Variants in CDIN1 observed in about 807,000 individuals in gnomAD.
CDIN1 encodes CDAN1 interacting nuclease 1.
CDIN1 carries 33 observed loss-of-function variants against 45.3 expected under a neutral mutation model. The ratio of observed to expected loss-of-function variants is 0.73; its 90% confidence interval spans 0.55 to 0.97. The LOEUF is 0.97. Among genes scored for constraint, CDIN1 ranks in the 50% least tolerant of loss-of-function variants. CDIN1 has a pLI of 0.00. For synonymous variants in CDIN1, 118 were observed against 124.4 expected (o/e 0.95, Z 0.34); for missense variants, 303 against 339.4 (o/e 0.89, Z 0.84).
At chr15:36,763,492 A>T (rs992154355) in intron 10 of CDIN1, among the ~76,000 whole-genome samples, 2 of 152,132 alleles carry the variant, frequency 1.3e-5, no homozygotes, top group Admixed American at 1.3e-4. Flanking sequence ...GGCTCCCCAG[A>T]CTGGAAAGCA....
At position 36,579,737 on chromosome 15, in the gene CDIN1, A is replaced by G; in HGVS notation, c.-124A>G. 4 of 721,420 alleles carry G rather than the reference A, an allele frequency of 5.5e-6. No individual in the cohort carries two copies. In the South Asian group the frequency reaches 7.4e-5, roughly 13 times the overall value. The allele number at this position is 721,420 out of a possible 1,614,324, so 44.7% of individuals were successfully genotyped here. A position where few individuals can be genotyped will look rare whatever the true frequency, so the allele number is the denominator to read the frequency against. ...GTGTGTTTCAGGGGGGATTGGGGCA[A>G]GCCAAGCAGGCGAGGACCCGGGCCT... On this transcript the variant is annotated 5_prime_UTR_variant, in exon 1 of 11. Coordinates refer to ENST00000566621, the MANE Select transcript of CDIN1 (RefSeq NM_001321759.2).
At chr15:36,716,680 A>C (rs769340900) in intron 10 of CDIN1, among the ~76,000 whole-genome samples, 26 of 152,146 alleles carry the variant, frequency 1.7e-4, no homozygotes, top group Non-Finnish European at 3.4e-4. Context: ...GAAAACTATG[A>C]TGAGGTTAGT....
intron 8 of CDIN1, chr15:36,705,194 T>TA (rs540559849): frequency 6.6e-6 from 1 of 152,348 alleles, no homozygotes; most frequent in South Asian, 2.1e-4. Flanking sequence ...TTTTAAAAAT[T>TA]AACATCATCT....
chr15:36,684,202 G>A (rs1313278026), intron 5 of CDIN1, among the ~76,000 whole-genome samples: 2 of 149,226 alleles, frequency 1.3e-5, no homozygotes, highest in South Asian at 2.1e-4. Context: ...TATGATATTG[G>A]CTGTGGGTTT....
At chr15:36,755,723 G>A (rs561549058) in intron 10 of CDIN1, among the ~76,000 whole-genome samples, 1 of 151,844 alleles carries the variant, frequency 6.6e-6, no homozygotes, top group Non-Finnish European at 1.5e-5. Flanking sequence ...ACAAATAGTT[G>A]CCAAGAGCAA....
chr15:36,601,910 A>G (rs1192688727), intron 1 of CDIN1, among the ~76,000 whole-genome samples: 1 of 152,206 alleles, frequency 6.6e-6, no homozygotes, highest in Non-Finnish European at 1.5e-5. Context: ...GCATCACTGA[A>G]TCATTAACTT....
intron 5 of CDIN1, among the ~76,000 whole-genome samples, chr15:36,674,402 C>T (rs898823440): frequency 1.3e-5 from 2 of 152,060 alleles, no homozygotes; most frequent in Non-Finnish European, 2.9e-5. Context: ...TCAGGTCCTT[C>T]ATAGAAAGGA....
chr15:36,744,355 TC>T (rs1313369990), intron 10 of CDIN1, among the ~76,000 whole-genome samples: 2 of 152,204 alleles, frequency 1.3e-5, no homozygotes, highest in African/African-American at 4.8e-5. Flanking sequence ...TGAATATCTC[TC>T]TAGCTGCATC....
chr15:36,793,748 C>G (rs556522483), intron 10 of CDIN1, among the ~76,000 whole-genome samples: 18 of 152,182 alleles, frequency 1.2e-4, no homozygotes, highest in African/African-American at 4.3e-4. Flanking sequence ...TCATTAATCG[C>G]GAGAAAACAA....
chr15:36,740,063 A>T (rs1255429654), intron 10 of CDIN1, among the ~76,000 whole-genome samples: 1 of 152,244 alleles, frequency 6.6e-6, no homozygotes, highest in Non-Finnish European at 1.5e-5. Flanking sequence ...CTCTCCAAAC[A>T]AAAGTTGGGG....
chr15:36,709,767 A>G lies in CDIN1; in HGVS notation c.611-89A>G, dbSNP rs1185184820. The stretch of plus-strand genomic sequence containing the variant: ...GGTAAGGGCTAAGCCTGTGCTCATT[A>G]ATGTGAAGCATAGAGAGGCCTGTAC... On this transcript the variant is annotated intron_variant, in intron 9 of 10. Transcript: ENST00000566621. 4.3e-6 allele frequency: 4 copies of G among 930,010 alleles called. No homozygotes were observed. The African/African-American group carries it at 6.5e-5, about 15-fold the overall frequency. 57.6% of individuals were successfully genotyped at this position (930,010 alleles called of 1,614,324 possible). A position where few individuals can be genotyped will look rare whatever the true frequency, so the allele number is the denominator to read the frequency against.
intron 10 of CDIN1, among the ~76,000 whole-genome samples, chr15:36,711,097 T>G (rs1420733005): frequency 6.6e-6 from 1 of 152,304 alleles, no homozygotes; most frequent in East Asian, 1.9e-4. Context: ...TGTGTTTTAT[T>G]CAGCCATTAT....
chr15:36,673,538 CTTTCCTATT>C (rs2041529270), intron 5 of CDIN1, among the ~76,000 whole-genome samples: 1 of 152,040 alleles, frequency 6.6e-6, no homozygotes, highest in African/African-American at 2.4e-5. Context: ...AATGAGATTT[CTTTCCTATT>C]TTTTAATTTA....
At chr15:36,791,429 TTA>T (rs2054643016) in intron 10 of CDIN1, among the ~76,000 whole-genome samples, 1 of 152,210 alleles carries the variant, frequency 6.6e-6, no homozygotes, top group African/African-American at 2.4e-5. Flanking sequence ...GTCTTTAAAC[TTA>T]TAGTTTGGCA....
chr15:36,704,580 A>C (rs1016140337), intron 8 of CDIN1: 15 of 151,928 alleles, frequency 9.9e-5, no homozygotes, highest in Admixed American at 6.6e-4. Context: ...TGAAAAAAAA[A>C]AAACCAGAAT....
intron 3 of CDIN1, among the ~76,000 whole-genome samples, chr15:36,648,050 A>G (rs2040412607): frequency 6.6e-6 from 1 of 152,054 alleles, no homozygotes; most frequent in Admixed American, 6.5e-5. Flanking sequence ...CGTGTTAGCC[A>G]GGATGGTCTC....
At chr15:36,680,682 G>T (rs954659481) in intron 5 of CDIN1, among the ~76,000 whole-genome samples, 2 of 152,114 alleles carry the variant, frequency 1.3e-5, no homozygotes, top group African/African-American at 2.4e-5. Context: ...GAGCTTCCAT[G>T]TATAGCTCAA....
chr15:36,655,681 T>C (rs1209138745), intron 4 of CDIN1, among the ~76,000 whole-genome samples: 4 of 152,212 alleles, frequency 2.6e-5, no homozygotes, highest in Non-Finnish European at 5.9e-5. Context: ...ATGCTATTAG[T>C]AACTTGAGGT....
intron 5 of CDIN1, among the ~76,000 whole-genome samples, chr15:36,663,044 G>GT (rs2041085247): frequency 6.6e-6 from 1 of 151,938 alleles, no homozygotes; most frequent in Non-Finnish European, 1.5e-5. Context: ...GCCTTTAGAG[G>GT]TAAAAACATC....
Sources: gnomAD v4.1 joint callset for allele counts (sites outside exome capture counted in the v4.1 genomes callset) on GRCh38, gnomAD v4.1.1 for gene constraint, MANE v1.5 for transcripts, NCBI Gene and HGNC (gene_info 2026-07-23, HGNC 2026-07-21) for gene names.